The following SMIM13 variants were observed in gnomAD, a reference collection of about 807,000 sequenced individuals.
SMIM13 encodes UPF0766 protein C6orf228.
A neutral mutation model predicts 5.9 loss-of-function variants in SMIM13; 3 were observed. The ratio of observed to expected loss-of-function variants is 0.51; its 90% CI spans 0.23 to 1.31. The LOEUF (loss-of-function observed/expected upper bound fraction) is 1.31. Ranked by LOEUF, SMIM13 falls within the 40% of genes most tolerant of loss-of-function variation. The probability of loss-of-function intolerance (pLI) is 0.18; values close to 1 mark genes in which losing one functional copy is unlikely to be tolerated. For synonymous variants in SMIM13, 55 were observed against 46.0 expected, an observed-to-expected ratio of 1.19 and a Z score of -0.79; for missense variants, 85 against 109.9, an observed-to-expected ratio of 0.77 and a Z score of 1.01.
At chr6:11,096,349 A>G (rs1757922781) in intron 1 of SMIM13, among the ~76,000 whole-genome samples, 1 of 152,186 alleles carries the variant, frequency 6.6e-6, no homozygotes, top group Admixed American at 6.5e-5. Flanking sequence ...ATCAGACAGG[A>G]GGCGGAGCTC....
intron 1 of SMIM13, among the ~76,000 whole-genome samples, chr6:11,100,526 C>CT (rs1266349943): frequency 2.6e-5 from 4 of 152,118 alleles, no homozygotes; most frequent in African/African-American, 4.8e-5. Flanking sequence ...GAAAGTTGTA[C>CT]TTTCTCTATT....
rs1198011168 is a variant in SMIM13, at chr6:11,136,875, A to T, written c.*2273A>T. ...GGGGGCATTATTTGGTACTGGGAGG[A>T]TATTTAAATTAGATTTTTCATAGTC... On this transcript the variant is annotated 3_prime_UTR_variant, in exon 2 of 2. Coordinates refer to ENST00000416247, the MANE Select transcript of SMIM13 (RefSeq NM_001135575.2). 1 of 151,938 alleles carries T rather than the reference A, an allele frequency of 6.6e-6. No individual in the cohort carries two copies. Among genetic ancestry groups the T allele is most frequent in the Non-Finnish European group, 1.5e-5 (1 of 67,946 alleles). The allele number at this position is 151,938 out of a possible 1,614,324, so 9.4% of individuals were successfully genotyped here.
At chr6:11,095,709 A>C (rs1167060770) in intron 1 of SMIM13, among the ~76,000 whole-genome samples, 5 of 152,200 alleles carry the variant, frequency 3.3e-5, no homozygotes, top group Non-Finnish European at 5.9e-5. Context: ...AAAGCTTCTA[A>C]TTTACAGCCT....
chr6:11,108,036 T>G (rs890249932), intron 1 of SMIM13, among the ~76,000 whole-genome samples: 1 of 152,120 alleles, frequency 6.6e-6, no homozygotes, highest in African/African-American at 2.4e-5. Flanking sequence ...GGCATAAGAT[T>G]GCATTTGAAA....
intron 1 of SMIM13, chr6:11,103,729 G>A (rs538647882): frequency 1.6e-5 from 25 of 1,551,626 alleles, no homozygotes; most frequent in Admixed American, 9.8e-5. Flanking sequence ...CGAGGATGGC[G>A]TCCTGCACTG....
intron 1 of SMIM13, among the ~76,000 whole-genome samples, chr6:11,101,246 G>A (rs1757987588): frequency 6.6e-6 from 1 of 152,016 alleles, no homozygotes; most frequent in Non-Finnish European, 1.5e-5. Flanking sequence ...TCTATGTTTA[G>A]CGTTGGACCT....
chr6:11,110,236 A>G (rs549501450), intron 1 of SMIM13, among the ~76,000 whole-genome samples: 1 of 152,106 alleles, frequency 6.6e-6, no homozygotes, highest in East Asian at 1.9e-4. Context: ...ATCCCATCCC[A>G]TTTCTGGACC....
Position 11,105,017 on chromosome 6 carries a change from T to C in SMIM13, c.76+10628T>C, listed in dbSNP as rs141542647. The C allele has an allele frequency of 2.2e-5, 35 of 1,614,090 alleles. No homozygotes were observed. The African/African-American group carries it at 4.7e-4, about 22-fold the overall frequency. ...GTTTCTGGCGGATATCAGGGAAATC[T>C]TGCTTTACTGTTGAAAGAAGACTAT... On this transcript the variant is annotated intron_variant, in intron 1 of 1. Transcript: ENST00000416247.
At chr6:11,124,145 C>A (rs1162331009) in intron 1 of SMIM13, among the ~76,000 whole-genome samples, 1 of 152,088 alleles carries the variant, frequency 6.6e-6, no homozygotes, top group East Asian at 1.9e-4. Context: ...ATTCCCACTC[C>A]CTGCCCCTTC....
At chr6:11,124,215 A>G in intron 1 of SMIM13, among the ~76,000 whole-genome samples, 1 of 152,118 alleles carries the variant, frequency 6.6e-6, no homozygotes, top group East Asian at 1.9e-4. Context: ...AGTTGTTTTA[A>G]TTCTTAGCTC....
At chr6:11,108,925 C>T (rs1758130263) in intron 1 of SMIM13, among the ~76,000 whole-genome samples, 1 of 152,200 alleles carries the variant, frequency 6.6e-6, no homozygotes, top group South Asian at 2.1e-4. Flanking sequence ...TCATAAGGCC[C>T]TTGATCTGTC....
intron 1 of SMIM13, among the ~76,000 whole-genome samples, chr6:11,096,686 T>C (rs1483700657): frequency 6.8e-6 from 1 of 147,892 alleles, no homozygotes; most frequent in African/African-American, 2.6e-5. Context: ...CTTTTCTTTG[T>C]TTTGCTTTTT....
chr6:11,121,086 T>C (rs1429012636), intron 1 of SMIM13, among the ~76,000 whole-genome samples: 1 of 152,216 alleles, frequency 6.6e-6, no homozygotes, highest in African/African-American at 2.4e-5. Flanking sequence ...TTTGCCTATC[T>C]CAGAATACAC....
chr6:11,112,818 A>AT lies in SMIM13; in HGVS notation c.76+18436dup, dbSNP rs1210882658. 2.0e-5 allele frequency among the ~76,000 whole-genome samples: 3 copies of AT among 151,166 alleles called. No individual in the cohort carries two copies. The East Asian group carries it at 5.8e-4, about 29-fold the overall frequency. On this transcript the variant is annotated intron_variant, in intron 1 of 1. Transcript: ENST00000416247. ...AGTATTATTATTGTTTTATTTATTT[A>AT]TTTTTTTGAGATGGGGTCTTGCTCT...
At position 11,136,741 on chromosome 6, in the gene SMIM13, G is replaced by A. The variant is rs1460824460; in HGVS notation, c.*2139G>A. The A allele has an allele frequency of 6.6e-6, 1 of 151,806 alleles. No homozygotes were observed. The highest frequency in any genetic ancestry group is 1.5e-5 in the Non-Finnish European group (1 of 67,934). 9.4% of individuals were successfully genotyped at this position (151,806 alleles called of 1,614,324 possible). On this transcript the variant is annotated 3_prime_UTR_variant, in exon 2 of 2. Coordinates refer to ENST00000416247, the MANE Select transcript of SMIM13 (RefSeq NM_001135575.2). ...TTTTCTATTTTTATGTGACTCTAGG[G>A]CATAACAAAACAGTGACAGTTTCAA...
chr6:11,133,559 C>T (rs779916008), intron 1 of SMIM13, among the ~76,000 whole-genome samples: 12 of 152,066 alleles, frequency 7.9e-5, no homozygotes, highest in Non-Finnish European at 1.5e-4. Flanking sequence ...CAAGAAAACA[C>T]GTAAGCATGA....
intron 1 of SMIM13, among the ~76,000 whole-genome samples, chr6:11,112,630 C>T (rs35199324): frequency 0.22 from 32,857 of 152,110 alleles, 3,906 homozygotes; most frequent in African/African-American, 0.31. Context: ...TGTTTGACTT[C>T]TTTCTGCTAG....
chr6:11,102,711 C>A (rs540990640), intron 1 of SMIM13: 1 of 152,124 alleles, frequency 6.6e-6, no homozygotes, highest in Non-Finnish European at 1.5e-5. Context: ...TACACTGAGT[C>A]GGGTGTTAGT....
At chr6:11,095,553 T>G (rs1757912704) in intron 1 of SMIM13, among the ~76,000 whole-genome samples, 1 of 152,190 alleles carries the variant, frequency 6.6e-6, no homozygotes, top group Admixed American at 6.5e-5. Context: ...GGTTTAACCG[T>G]GTTGGTCAGG....
Sources: gnomAD v4.1 joint callset for allele counts (sites outside exome capture counted in the v4.1 genomes callset) on GRCh38, gnomAD v4.1.1 for gene constraint, MANE v1.5 for transcripts, NCBI Gene and HGNC (gene_info 2026-07-23, HGNC 2026-07-21) for gene names.